Variants in HYCC1 observed in about 807,000 individuals in gnomAD.
The protein encoded by HYCC1 is hyccin.
chr7:22,896,440 T>C, the HYCC1 span, among the ~76,000 whole-genome samples: 11 of 152,228 alleles, frequency 7.2e-5, no homozygotes, highest in Non-Finnish European at 1.3e-4. Flanking sequence ...AGTTCTGCAG[T>C]TGCATGATTC....
chr7:22,966,458 A>G, the HYCC1 span, among the ~76,000 whole-genome samples: 1 of 151,984 alleles, frequency 6.6e-6, no homozygotes, highest in Non-Finnish European at 1.5e-5. Context: ...TGCCCATCTG[A>G]TTTTTCTGTA....
chr7:22,945,865 G>A, the HYCC1 span: 1 of 1,613,748 alleles, frequency 6.2e-7, no homozygotes, highest in Middle Eastern at 1.7e-4. Flanking sequence ...GGGATTGGCT[G>A]GTTGTTAAAG....
chr7:23,002,157 T>A, the HYCC1 span, among the ~76,000 whole-genome samples: 6 of 97,444 alleles, frequency 6.2e-5, 1 homozygote, highest in African/African-American at 2.0e-4. Flanking sequence ...TATATATATA[T>A]ATATATATAT....
chr7:23,002,136 GTATATATATATATATA>G, the HYCC1 span, among the ~76,000 whole-genome samples: 2 of 76,614 alleles, frequency 2.6e-5, no homozygotes, highest in Non-Finnish European at 4.7e-5. Flanking sequence ...GGTAAAAATT[GTATATATATATATATA>G]TATATATATA....
the HYCC1 span, among the ~76,000 whole-genome samples, chr7:23,007,418 T>C: frequency 1.3e-5 from 2 of 152,144 alleles, no homozygotes; most frequent in African/African-American, 2.4e-5. Context: ...AATCTTCACC[T>C]CACAAAGTTA....
At chr7:22,923,672 C>T in the HYCC1 span, among the ~76,000 whole-genome samples, 2 of 151,978 alleles carry the variant, frequency 1.3e-5, no homozygotes, top group Admixed American at 6.5e-5. Context: ...AAGATTAAGA[C>T]AAGACTCATG....
At chr7:22,965,840 G>A in the HYCC1 span, among the ~76,000 whole-genome samples, 3 of 151,934 alleles carry the variant, frequency 2.0e-5, no homozygotes, top group African/African-American at 7.3e-5. Context: ...AGCTGGTCTT[G>A]AACTCCTGAC....
chr7:22,964,534 A>T, the HYCC1 span: 1 of 1,511,576 alleles, frequency 6.6e-7, no homozygotes, highest in Non-Finnish European at 9.2e-7. Flanking sequence ...CACAGATTCT[A>T]GAAAAACCAA....
At chr7:22,927,929 A>G in the HYCC1 span, among the ~76,000 whole-genome samples, 1 of 152,242 alleles carries the variant, frequency 6.6e-6, no homozygotes, top group Non-Finnish European at 1.5e-5. Context: ...TGATGCAAAA[A>G]TCCTCAATAA....
the HYCC1 span, among the ~76,000 whole-genome samples, chr7:22,959,950 T>A: frequency 6.6e-6 from 1 of 152,226 alleles, no homozygotes. Flanking sequence ...TTGCAAATAC[T>A]TTTGAATACA....
the HYCC1 span, among the ~76,000 whole-genome samples, chr7:22,949,723 C>T: frequency 7.3e-5 from 11 of 151,680 alleles, no homozygotes; most frequent in South Asian, 6.2e-4. Context: ...AGCAGTACCA[C>T]GCAACTGAAA....
the HYCC1 span, among the ~76,000 whole-genome samples, chr7:22,914,321 C>A: frequency 2.0e-5 from 3 of 152,330 alleles, no homozygotes; most frequent in East Asian, 5.8e-4. Context: ...TCACCACCCC[C>A]CTTCTCCGTG....
the HYCC1 span, chr7:22,944,336 T>C: frequency 1.3e-5 from 2 of 152,174 alleles, no homozygotes; most frequent in East Asian, 3.9e-4. Context: ...CAAACTTTTA[T>C]TTCCATCTAG....
chr7:22,918,404 T>C, the HYCC1 span, among the ~76,000 whole-genome samples: 2 of 152,196 alleles, frequency 1.3e-5, no homozygotes, highest in South Asian at 4.1e-4. Context: ...TCTCCCATTC[T>C]AGGTTTCCAT....
At chr7:22,912,930 C>T in the HYCC1 span, among the ~76,000 whole-genome samples, 3 of 152,072 alleles carry the variant, frequency 2.0e-5, no homozygotes, top group Non-Finnish European at 4.4e-5. Flanking sequence ...GTCAGGAGTT[C>T]GAGGCCAGCC....
the HYCC1 span, chr7:22,983,963 A>G: frequency 1.3e-6 from 2 of 1,597,684 alleles, no homozygotes; most frequent in Admixed American, 3.3e-5. Context: ...TGGCTCCTGG[A>G]TAACTTTATA....
chr7:22,910,736 C>T, the HYCC1 span, among the ~76,000 whole-genome samples: 2 of 151,860 alleles, frequency 1.3e-5, no homozygotes, highest in Non-Finnish European at 2.9e-5. Flanking sequence ...TTTAGCAATC[C>T]AATTACTTTT....
At chr7:22,987,275 G>A in the HYCC1 span, among the ~76,000 whole-genome samples, 14 of 152,322 alleles carry the variant, frequency 9.2e-5, no homozygotes, top group South Asian at 8.3e-4. Flanking sequence ...GGACAAGCGC[G>A]GTGGCTCACG....
the HYCC1 span, among the ~76,000 whole-genome samples, chr7:23,000,606 C>T: frequency 8.5e-5 from 13 of 152,072 alleles, no homozygotes; most frequent in Non-Finnish European, 1.5e-4. Context: ...ATTATATTTA[C>T]GACCTTCAAC....
Sources: gnomAD v4.1 joint callset for allele counts (sites outside exome capture counted in the v4.1 genomes callset) on GRCh38, gnomAD v4.1.1 for gene constraint, MANE v1.5 for transcripts, NCBI Gene and HGNC (gene_info 2026-07-23, HGNC 2026-07-21) for gene names.